The following RANBP2 variants were observed in gnomAD, a reference collection of about 807,000 sequenced individuals.
RANBP2 encodes the protein RAN binding protein 2.
In RANBP2, 57 loss-of-function variants were observed where a neutral mutation model predicts 303.6. The observed-to-expected ratio is 0.19, with a 90% CI of 0.15 to 0.23. The LOEUF (loss-of-function observed/expected upper bound fraction) is 0.23, where lower values mean the gene tolerates loss of function less well. Among genes scored for constraint, RANBP2 ranks in the 10% least tolerant of loss-of-function variants. The probability of loss-of-function intolerance (pLI) is 1.00; values close to 1 mark genes in which losing one functional copy is unlikely to be tolerated. For synonymous variants in RANBP2, 1,167 were observed against 1,301.5 expected (o/e 0.90, Z 2.23); for missense variants, 3,138 against 3,780.8 (o/e 0.83, Z 4.46).
the RANBP2 span, among the ~76,000 whole-genome samples, chr2:108,947,058 T>C: frequency 0.032 from 4,810 of 152,264 alleles, 140 homozygotes; most frequent in African/African-American, 0.083. Context: ...ACTTCCAAGA[T>C]ACAATGGAGA....
the RANBP2 span, among the ~76,000 whole-genome samples, chr2:109,178,168 T>C: frequency 6.6e-6 from 1 of 152,152 alleles, no homozygotes; most frequent in South Asian, 2.1e-4. Context: ...AAGGAAAAAA[T>C]ATGAGGCACC....
At chr2:109,234,133 AGATT>A in the RANBP2 span, among the ~76,000 whole-genome samples, 3 of 152,254 alleles carry the variant, frequency 2.0e-5, no homozygotes, top group Non-Finnish European at 2.9e-5. Context: ...AGGAAATGCC[AGATT>A]GTTTTTCAAA....
intron 20 of RANBP2, among the ~76,000 whole-genome samples, chr2:108,771,230 T>C (rs1173905403): frequency 6.6e-6 from 1 of 151,368 alleles, no homozygotes; most frequent in Non-Finnish European, 1.5e-5. Context: ...TTGGCAATTG[T>C]TAACTTTCCT....
the RANBP2 span, among the ~76,000 whole-genome samples, chr2:109,236,766 G>T: frequency 6.6e-6 from 1 of 152,158 alleles, no homozygotes; most frequent in African/African-American, 2.4e-5. Context: ...GTGCTGCCCT[G>T]AAGTGAGGGG....
At chr2:109,506,645 G>A in the RANBP2 span, among the ~76,000 whole-genome samples, 3 of 152,206 alleles carry the variant, frequency 2.0e-5, no homozygotes, top group African/African-American at 7.2e-5. Flanking sequence ...AGTGTGGTTC[G>A]TATCATCTCC....
chr2:109,013,137 C>T, the RANBP2 span, among the ~76,000 whole-genome samples: 5 of 152,208 alleles, frequency 3.3e-5, no homozygotes, highest in Non-Finnish European at 7.3e-5. Context: ...GTGGCTGCTT[C>T]ACATGGTTTC....
At chr2:109,160,694 C>T in the RANBP2 span, among the ~76,000 whole-genome samples, 1 of 152,178 alleles carries the variant, frequency 6.6e-6, no homozygotes, top group Non-Finnish European at 1.5e-5. Context: ...TCTCTGACTG[C>T]AGGGGCTGTG....
chr2:108,760,419 C>G (rs1377928533), intron 18 of RANBP2, among the ~76,000 whole-genome samples: 1 of 152,140 alleles, frequency 6.6e-6, no homozygotes, highest in Admixed American at 6.5e-5. Context: ...TATCCCATCA[C>G]ATGGAAGTAC....
At chr2:108,722,252 G>C (rs549312828) in intron 1 of RANBP2, among the ~76,000 whole-genome samples, 7 of 152,244 alleles carry the variant, frequency 4.6e-5, no homozygotes, top group Admixed American at 3.3e-4. Flanking sequence ...CTTACACTTA[G>C]AGTCTTTTTT....
the RANBP2 span, among the ~76,000 whole-genome samples, chr2:109,462,633 G>A: frequency 6.6e-6 from 1 of 152,224 alleles, no homozygotes; most frequent in Admixed American, 6.5e-5. Context: ...TTCTGAAATA[G>A]AGGCAGGTTA....
At chr2:109,380,670 C>A in the RANBP2 span, among the ~76,000 whole-genome samples, 1 of 152,162 alleles carries the variant, frequency 6.6e-6, no homozygotes, top group African/African-American at 2.4e-5. Context: ...GGGCCACAGC[C>A]CACCTTAAAT....
At chr2:109,222,583 C>T in the RANBP2 span, among the ~76,000 whole-genome samples, 2 of 152,210 alleles carry the variant, frequency 1.3e-5, no homozygotes, top group Non-Finnish European at 2.9e-5. Flanking sequence ...TGGGCTTAGC[C>T]TCCAGCATCC....
chr2:108,751,351 G>A lies in RANBP2; in HGVS notation c.1361G>A (p.Arg454Gln), dbSNP rs779203901. The A allele has an allele frequency of 1.4e-4, 218 of 1,611,798 alleles. No individual in the cohort carries two copies. Among genetic ancestry groups the A allele is most frequent in the Admixed American group, 1.1e-3 (63 of 59,976 alleles). Reference protein sequence around the residue: ...WNSLPALPGIRKWLKQLFHHL... With the variant: ...WNSLPALPGIQKWLKQLFHHL... ...TCATTGCCTGCTTTACCTGGAATCCGAAAATGGCTAAAACAGCTTTTCCAT... is the reference window on the plus strand; with the variant it reads ...TCATTGCCTGCTTTACCTGGAATCCAAAAATGGCTAAAACAGCTTTTCCAT... Residue 454 changes from arginine to glutamine, a missense_variant, in exon 10 of 29, where the codon CGA becomes CAA. Physicochemically the swap from Arg to Gln is conservative, Grantham distance 43. This residue lies in a region of RANBP2 where 162 missense variants were observed against 286.9 expected (regional missense o/e 0.56). Transcript: ENST00000283195.
the RANBP2 span, among the ~76,000 whole-genome samples, chr2:109,314,619 C>G: frequency 4.6e-5 from 7 of 152,250 alleles, no homozygotes; most frequent in Non-Finnish European, 1.5e-5. Context: ...CTGTCACTCT[C>G]CATGGTCTTT....
the RANBP2 span, among the ~76,000 whole-genome samples, chr2:109,765,786 C>T: frequency 1.3e-5 from 2 of 151,006 alleles, no homozygotes; most frequent in South Asian, 2.1e-4. Context: ...CCAGTAGTGC[C>T]CGCTGATGCT....
the RANBP2 span, among the ~76,000 whole-genome samples, chr2:109,699,852 C>T: frequency 6.6e-6 from 1 of 152,132 alleles, no homozygotes; most frequent in East Asian, 1.9e-4. Flanking sequence ...CAGCTTCTCG[C>T]CCTGTGCTGC....
the RANBP2 span, among the ~76,000 whole-genome samples, chr2:109,454,008 A>T: frequency 6.6e-6 from 1 of 152,218 alleles, no homozygotes. Flanking sequence ...GCTGGGCAGG[A>T]GGGTGCCATC....
chr2:109,109,628 C>A, the RANBP2 span, among the ~76,000 whole-genome samples: 2 of 152,122 alleles, frequency 1.3e-5, no homozygotes, highest in Non-Finnish European at 2.9e-5. Flanking sequence ...AATATGTTTT[C>A]TATTTATGTG....
chr2:109,158,605 G>T, the RANBP2 span, among the ~76,000 whole-genome samples: 9 of 152,196 alleles, frequency 5.9e-5, no homozygotes, highest in Non-Finnish European at 1.0e-4. Flanking sequence ...GGATGATAAG[G>T]CTTGTGTCTC....
Sources: gnomAD v4.1 joint callset for allele counts (sites outside exome capture counted in the v4.1 genomes callset) on GRCh38, gnomAD v4.1.1 for gene constraint, gnomAD v4.1.1 regional missense constraint, MANE v1.5 for transcripts, NCBI Gene and HGNC (gene_info 2026-07-23, HGNC 2026-07-21) for gene names.